The following CADM1 variants were observed in gnomAD, a reference collection of about 807,000 sequenced individuals.
CADM1 encodes the protein cell adhesion molecule 1.
CADM1 carries 15 observed loss-of-function variants against 53.1 expected under a neutral mutation model. That is an observed-to-expected ratio of 0.28 (90% CI 0.19 to 0.44). The LOEUF (loss-of-function observed/expected upper bound fraction) is 0.44, where lower values mean the gene tolerates loss of function less well. Ranked by LOEUF, CADM1 falls within the 20% of genes least tolerant of loss-of-function variation. CADM1 has a pLI of 1.00. For missense variants in CADM1, 434 were observed against 611.3 expected, an observed-to-expected ratio of 0.71 and a Z score of 3.06; for synonymous variants, 281 against 243.0, an observed-to-expected ratio of 1.16 and a Z score of -1.45.
At chr11:115,263,540 C>A (rs1429314796) in intron 1 of CADM1, among the ~76,000 whole-genome samples, 1 of 152,170 alleles carries the variant, frequency 6.6e-6, no homozygotes, top group African/African-American at 2.4e-5. Context: ...TGAAATTCTT[C>A]TGTAAGGAAG....
chr11:115,266,811 A>C (rs866166970), intron 1 of CADM1, among the ~76,000 whole-genome samples: 1 of 152,242 alleles, frequency 6.6e-6, no homozygotes, highest in Non-Finnish European at 1.5e-5. Context: ...TTTCCCCCTT[A>C]ACTACCTGCA....
chr11:115,180,112 C>G (rs1939237947), intron 10 of CADM1, among the ~76,000 whole-genome samples: 2 of 152,128 alleles, frequency 1.3e-5, no homozygotes, highest in South Asian at 4.1e-4. Flanking sequence ...TAATGGTGCT[C>G]TTTTGAGCCG....
chr11:115,295,038 T>TCAA lies in CADM1; in HGVS notation c.125-54621_125-54619dup, dbSNP rs1208987804. On this transcript the variant is annotated intron_variant, in intron 1 of 11. Coordinates refer to ENST00000331581, the MANE Select transcript of CADM1 (RefSeq NM_001301043.2). ...TGGGCAACAAGAGTGAAACTCAGTCTCAACAACAACAACAACAAAAAGAAT... is the reference window on the plus strand; with the variant it reads ...TGGGCAACAAGAGTGAAACTCAGTCTCAACAACAACAACAACAACAAAAAGAAT... 5.3e-5 allele frequency among the ~76,000 whole-genome samples: 8 copies of TCAA among 152,080 alleles called. No homozygotes were observed. The East Asian group carries it at 7.7e-4, about 15-fold the overall frequency.
chr11:115,395,251 A>G (rs1946965649), intron 1 of CADM1, among the ~76,000 whole-genome samples: 1 of 152,218 alleles, frequency 6.6e-6, no homozygotes, highest in Non-Finnish European at 1.5e-5. Context: ...ATTGACGTAA[A>G]GTACAGAAAA....
chr11:115,272,960 G>C (rs1300539359), intron 1 of CADM1, among the ~76,000 whole-genome samples: 1 of 152,100 alleles, frequency 6.6e-6, no homozygotes, highest in Admixed American at 6.6e-5. Flanking sequence ...CAGACAGAGA[G>C]AACAACTTTA....
intron 1 of CADM1, among the ~76,000 whole-genome samples, chr11:115,342,370 G>C (rs1334518620): frequency 6.6e-6 from 1 of 152,118 alleles, no homozygotes; most frequent in Non-Finnish European, 1.5e-5. Flanking sequence ...GTTTCTGAGA[G>C]AAACTAGGAA....
intron 1 of CADM1, among the ~76,000 whole-genome samples, chr11:115,488,888 C>T (rs1306220711): frequency 6.6e-6 from 1 of 152,184 alleles, no homozygotes; most frequent in South Asian, 2.1e-4. Flanking sequence ...ATTTTTTGAT[C>T]CTGTAGCCAC....
chr11:115,229,817 C>T (rs1436795587), intron 4 of CADM1, among the ~76,000 whole-genome samples: 1 of 152,188 alleles, frequency 6.6e-6, no homozygotes, highest in East Asian at 1.9e-4. Flanking sequence ...AATGGATTTA[C>T]ATAATTGAAA....
At chr11:115,359,790 C>CT (rs1329834775) in intron 1 of CADM1, among the ~76,000 whole-genome samples, 1 of 152,086 alleles carries the variant, frequency 6.6e-6, no homozygotes, top group Non-Finnish European at 1.5e-5. Context: ...GACATATTTG[C>CT]TTTGTACTGT....
intron 1 of CADM1, among the ~76,000 whole-genome samples, chr11:115,476,365 T>C (rs1288433541): frequency 6.6e-6 from 1 of 152,202 alleles, no homozygotes; most frequent in East Asian, 1.9e-4. Flanking sequence ...TCCACGATCA[T>C]TTCCATGTGG....
intron 1 of CADM1, among the ~76,000 whole-genome samples, chr11:115,482,430 T>TAA (rs1485269177): frequency 3.3e-5 from 5 of 152,146 alleles, no homozygotes; most frequent in Non-Finnish European, 7.4e-5. Flanking sequence ...TAGTAAGTGA[T>TAA]ACACACACAC....
At chr11:115,457,550 C>T (rs182148863) in intron 1 of CADM1, among the ~76,000 whole-genome samples, 24 of 152,230 alleles carry the variant, frequency 1.6e-4, no homozygotes, top group Middle Eastern at 3.4e-3. Flanking sequence ...AACCCAGAAC[C>T]TTTTGTCTTG....
chr11:115,222,936 T>C (rs888051738), intron 5 of CADM1, among the ~76,000 whole-genome samples: 2 of 152,270 alleles, frequency 1.3e-5, no homozygotes, highest in Middle Eastern at 3.4e-3. Flanking sequence ...TGTACAAGAA[T>C]CTTCCCTCTG....
chr11:115,357,503 G>GT (rs1945908526), intron 1 of CADM1, among the ~76,000 whole-genome samples: 2 of 152,266 alleles, frequency 1.3e-5, no homozygotes, highest in African/African-American at 2.4e-5. Flanking sequence ...AAGCGCAGAG[G>GT]TTACCACCAC....
chr11:115,238,708 T>C (rs1942099557), intron 2 of CADM1, 56 bp from the exon 3 acceptor site: 5 of 1,566,346 alleles, frequency 3.2e-6, no homozygotes, highest in Non-Finnish European at 3.5e-6. Context: ...ACAGTCTATT[T>C]TCCTTAATTA....
chr11:115,408,867 G>A (rs1018947277), intron 1 of CADM1, among the ~76,000 whole-genome samples: 9 of 152,104 alleles, frequency 5.9e-5, no homozygotes, highest in Non-Finnish European at 4.4e-5. Flanking sequence ...AGAGAATATT[G>A]GCAGGAACCT....
intron 1 of CADM1, among the ~76,000 whole-genome samples, chr11:115,378,936 T>G (rs1286364194): frequency 6.6e-6 from 1 of 152,204 alleles, no homozygotes; most frequent in Non-Finnish European, 1.5e-5. Context: ...TGATGGCACA[T>G]TACGTGAGCT....
intron 1 of CADM1, among the ~76,000 whole-genome samples, chr11:115,311,392 AG>A: frequency 6.6e-6 from 1 of 152,222 alleles, no homozygotes; most frequent in East Asian, 1.9e-4. Context: ...GGGGATCATC[AG>A]GGGTTCAGTT....
Position 115,393,919 on chromosome 11 carries a change from T to C in CADM1, c.124+110352A>G, listed in dbSNP as rs370026052. ...GACCACGGTAATAAATCATCTGCTA[T>C]GAAAAGGCTGAATTTATTGAAGAAA... On this transcript the variant is annotated intron_variant, in intron 1 of 11. Coordinates refer to ENST00000331581, the MANE Select transcript of CADM1 (RefSeq NM_001301043.2). 1.1e-4 allele frequency among the ~76,000 whole-genome samples: 16 copies of C among 152,228 alleles called. No individual in the cohort carries two copies. In the East Asian group the frequency reaches 1.7e-3, roughly 17 times the overall value.
Sources: gnomAD v4.1 joint callset for allele counts (sites outside exome capture counted in the v4.1 genomes callset) on GRCh38, gnomAD v4.1.1 for gene constraint, MANE v1.5 for transcripts, NCBI Gene and HGNC (gene_info 2026-07-23, HGNC 2026-07-21) for gene names.